The following SGMS1 variants were observed in gnomAD, a reference collection of about 807,000 sequenced individuals.
SGMS1 encodes the protein phosphatidylcholine:ceramide cholinephosphotransferase 1.
Under a neutral mutation model 46.2 loss-of-function variants are expected in SGMS1, and 13 were observed. The observed-to-expected ratio is 0.28, with a 90% CI of 0.18 to 0.45. SGMS1 has a LOEUF of 0.45. SGMS1 is among the 20% of genes least tolerant of loss of function. The probability of loss-of-function intolerance (pLI) is 1.00; values close to 1 mark genes in which losing one functional copy is unlikely to be tolerated. For synonymous variants in SGMS1, 203 were observed against 187.8 expected (o/e 1.08, Z -0.66); for missense variants, 324 against 519.9 (o/e 0.62, Z 3.66).
chr10:50,327,105 C>T (rs1847544291), intron 8 of SGMS1, 100 bp downstream of exon 8: 5 of 695,102 alleles, frequency 7.2e-6, no homozygotes, highest in Non-Finnish European at 1.3e-5. Context: ...AGTGACTCCA[C>T]TGTATTCTGA....
intron 3 of SGMS1, among the ~76,000 whole-genome samples, chr10:50,498,648 C>G (rs1239768298): frequency 6.6e-6 from 1 of 152,132 alleles, no homozygotes; most frequent in Admixed American, 6.5e-5. Context: ...AATTTCCTTC[C>G]TTTTTAGGGC....
intron 1 of SGMS1, among the ~76,000 whole-genome samples, chr10:50,606,895 C>G (rs530000682): frequency 7.4e-4 from 113 of 152,114 alleles, no homozygotes; most frequent in African/African-American, 2.7e-3. Context: ...ATATGACACT[C>G]AAGATTTTGT....
At chr10:50,338,573 A>C (rs1258828788) in intron 7 of SGMS1, among the ~76,000 whole-genome samples, 2 of 152,230 alleles carry the variant, frequency 1.3e-5, no homozygotes, top group Non-Finnish European at 1.5e-5. Flanking sequence ...TATGAGAAAG[A>C]TACTGCAACA....
intron 6 of SGMS1, among the ~76,000 whole-genome samples, chr10:50,399,105 G>T (rs1281305613): frequency 6.6e-6 from 1 of 152,086 alleles, no homozygotes; most frequent in Non-Finnish European, 1.5e-5. Flanking sequence ...GGTGCTGGTT[G>T]TAGAACTCAG....
intron 3 of SGMS1, among the ~76,000 whole-genome samples, chr10:50,488,485 A>G (rs1407022159): frequency 6.6e-6 from 1 of 152,206 alleles, no homozygotes; most frequent in Non-Finnish European, 1.5e-5. Flanking sequence ...AATCTGTTTT[A>G]TTCTTTTGAA....
At chr10:50,503,545 T>C (rs368567546) in intron 3 of SGMS1, among the ~76,000 whole-genome samples, 1 of 152,112 alleles carries the variant, frequency 6.6e-6, no homozygotes. Flanking sequence ...TGACTGTAAT[T>C]TTCCTTTACC....
chr10:50,608,903 G>A (rs375240789), intron 1 of SGMS1, among the ~76,000 whole-genome samples: 17 of 152,242 alleles, frequency 1.1e-4, no homozygotes, highest in African/African-American at 3.6e-4. Flanking sequence ...AAATCCTCCT[G>A]TATCCTTTAA....
chr10:50,415,918 G>A (rs1849163233), intron 6 of SGMS1, among the ~76,000 whole-genome samples: 1 of 152,154 alleles, frequency 6.6e-6, no homozygotes, highest in Non-Finnish European at 1.5e-5. Context: ...AATAGCACTT[G>A]TGACACGCAA....
intron 6 of SGMS1, among the ~76,000 whole-genome samples, chr10:50,393,305 C>T (rs1392696068): frequency 6.6e-6 from 1 of 152,060 alleles, no homozygotes; most frequent in Non-Finnish European, 1.5e-5. Context: ...AAAAATACGT[C>T]CAATTTCTCA....
intron 2 of SGMS1, among the ~76,000 whole-genome samples, chr10:50,567,253 A>AT (rs972996971): frequency 2.6e-5 from 4 of 151,998 alleles, no homozygotes; most frequent in African/African-American, 4.8e-5. Context: ...CCTATACTGT[A>AT]TTTTTTATTG....
intron 6 of SGMS1, among the ~76,000 whole-genome samples, chr10:50,378,963 T>C (rs114802743): frequency 1.3e-5 from 2 of 152,226 alleles, no homozygotes; most frequent in African/African-American, 2.4e-5. Flanking sequence ...GTATTCCTGA[T>C]AGTGTAGGGG....
At chr10:50,354,152 A>G (rs2133389835) in intron 6 of SGMS1, among the ~76,000 whole-genome samples, 1 of 148,944 alleles carries the variant, frequency 6.7e-6, no homozygotes, top group East Asian at 1.9e-4. Context: ...AAGCCAAAAG[A>G]ACAAAGCTGG....
At chr10:50,488,051 T>C (rs1837537358) in intron 3 of SGMS1, among the ~76,000 whole-genome samples, 1 of 151,636 alleles carries the variant, frequency 6.6e-6, no homozygotes, top group Non-Finnish European at 1.5e-5. Context: ...TCTCACTCTA[T>C]TGCCCAGGCT....
intron 2 of SGMS1, among the ~76,000 whole-genome samples, chr10:50,569,644 C>G (rs938289630): frequency 1.3e-5 from 2 of 152,046 alleles, no homozygotes; most frequent in African/African-American, 4.8e-5. Context: ...TATGTCATCT[C>G]TAGAAAGAAG....
chr10:50,506,990 T>A (rs1837712391), intron 3 of SGMS1, among the ~76,000 whole-genome samples: 1 of 152,170 alleles, frequency 6.6e-6, no homozygotes, highest in African/African-American at 2.4e-5. Context: ...ATTGTTCTAG[T>A]ACCAAATGCA....
At chr10:50,506,466 C>T (rs935081230) in intron 3 of SGMS1, among the ~76,000 whole-genome samples, 7 of 151,832 alleles carry the variant, frequency 4.6e-5, no homozygotes, top group Non-Finnish European at 1.0e-4. Flanking sequence ...GATTTCCTTC[C>T]TAATAAAAAA....
At chr10:50,616,622 G>A (rs1838800442) in intron 1 of SGMS1, among the ~76,000 whole-genome samples, 1 of 152,108 alleles carries the variant, frequency 6.6e-6, no homozygotes, top group African/African-American at 2.4e-5. Context: ...GGCCTACCAG[G>A]GGTGAGTAAT....
chr10:50,336,532 C>T (rs1382666024), intron 7 of SGMS1, among the ~76,000 whole-genome samples: 2 of 152,124 alleles, frequency 1.3e-5, no homozygotes, highest in African/African-American at 4.8e-5. Flanking sequence ...TTGGCAGATC[C>T]ATCCTGAAAC....
At chr10:50,516,538 T>C (rs1407099916) in intron 3 of SGMS1, among the ~76,000 whole-genome samples, 3 of 152,208 alleles carry the variant, frequency 2.0e-5, no homozygotes, top group Non-Finnish European at 4.4e-5. Context: ...CCAAGAGTGG[T>C]AATTTCAGTT....
Sources: allele counts gnomAD v4.1 joint callset (sites outside exome capture counted in the v4.1 genomes callset), GRCh38; gene constraint gnomAD v4.1.1; transcripts MANE v1.5; gene names NCBI Gene and HGNC (gene_info 2026-07-23, HGNC 2026-07-21).